Variants in ATXN10 observed in about 807,000 individuals in gnomAD.
The protein encoded by ATXN10 is ataxin 10.
A neutral mutation model predicts 52.9 loss-of-function variants in ATXN10; 28 were observed. The observed-to-expected ratio is 0.53, with a 90% CI of 0.39 to 0.73. ATXN10 has a LOEUF of 0.73. ATXN10 is among the 30% of genes least tolerant of loss of function. The probability of loss-of-function intolerance (pLI) is 0.00; values close to 1 mark genes in which losing one functional copy is unlikely to be tolerated. For synonymous variants in ATXN10, 226 were observed against 221.5 expected (o/e 1.02, Z -0.18); for missense variants, 565 against 577.0 (o/e 0.98, Z 0.21).
chr22:45,829,089 A>G (rs1407990416), intron 10 of ATXN10, among the ~76,000 whole-genome samples: 2 of 152,228 alleles, frequency 1.3e-5, no homozygotes, highest in Non-Finnish European at 2.9e-5. Flanking sequence ...GATCAGTGTA[A>G]TACACCACAT....
chr22:45,689,365 G>T, intron 1 of ATXN10: 2 of 362,306 alleles, frequency 5.5e-6, no homozygotes, highest in Non-Finnish European at 1.1e-5. Context: ...AGGCCAGAGT[G>T]CTTCACTTGG....
At position 45,677,739 on chromosome 22, in the gene ATXN10, A is replaced by G. The variant is rs992113643; in HGVS notation, c.116+5560A>G. 1 of 152,342 alleles carries G rather than the reference A, an allele frequency of 6.6e-6. No individual in the cohort carries two copies. The highest frequency in any genetic ancestry group is 1.9e-4 in the East Asian group (1 of 5,188). The allele number at this position is 152,342 out of a possible 1,614,324, so 9.4% of individuals were successfully genotyped here. On this transcript the variant is annotated intron_variant, in intron 1 of 11. Coordinates refer to ENST00000252934, the MANE Select transcript of ATXN10 (RefSeq NM_013236.4). This position sits in a 1 kb window ranked among gnomAD's most constrained non-coding sequence, Gnocchi z 4.1. ...CTCCAAATCACTAGTTATTAGGGAAATGCAGTTAAAACTTCAGTGAGAGAC... is the reference window on the plus strand; with the variant it reads ...CTCCAAATCACTAGTTATTAGGGAAGTGCAGTTAAAACTTCAGTGAGAGAC...
intron 10 of ATXN10, among the ~76,000 whole-genome samples, chr22:45,838,299 C>T (rs1474552758): frequency 6.6e-6 from 1 of 152,136 alleles, no homozygotes; most frequent in African/African-American, 2.4e-5. Context: ...TGCAGTGCTG[C>T]CTCGGCCATT....
Position 45,730,072 on chromosome 22 carries a change from G to A in ATXN10, c.894+482G>A, listed in dbSNP as rs570426037. Among the ~76,000 whole-genome samples the A allele has an allele frequency of 2.6e-5, 4 of 152,162 alleles. 1 individual carries two copies. Among genetic ancestry groups the A allele is most frequent in the South Asian group, 4.2e-4 (2 of 4,818 alleles). On this transcript the variant is annotated intron_variant, in intron 7 of 11. Transcript: ENST00000252934. ...ATAAATGCCAACATAGGCTGGGCACGGTGCCTCACACCTGTAACCCCACTT... is the reference window on the plus strand; with the variant it reads ...ATAAATGCCAACATAGGCTGGGCACAGTGCCTCACACCTGTAACCCCACTT...
intron 7 of ATXN10, among the ~76,000 whole-genome samples, chr22:45,736,489 C>G (rs560090166): frequency 6.8e-6 from 1 of 146,710 alleles, no homozygotes; most frequent in East Asian, 1.9e-4. Flanking sequence ...GCCACCTTAT[C>G]TGTAACACCT....
At chr22:45,680,301 A>G (rs1393085808) in intron 1 of ATXN10, among the ~76,000 whole-genome samples, 1 of 152,188 alleles carries the variant, frequency 6.6e-6, no homozygotes, top group Non-Finnish European at 1.5e-5. Flanking sequence ...ATCAATGAGA[A>G]TATTATAAAA....
chr22:45,726,161 C>T (rs1186836445), intron 6 of ATXN10, among the ~76,000 whole-genome samples: 1 of 152,124 alleles, frequency 6.6e-6, no homozygotes, highest in Non-Finnish European at 1.5e-5. Flanking sequence ...GTGATACTGG[C>T]TTCATAGAGT....
intron 9 of ATXN10, among the ~76,000 whole-genome samples, chr22:45,801,613 T>A (rs1927934167): frequency 6.6e-6 from 1 of 152,214 alleles, no homozygotes; most frequent in East Asian, 1.9e-4. Context: ...TACACCCAGT[T>A]AATGAGACAG....
rs560982556 is a variant in ATXN10 at position 45,787,021 on chromosome 22, T to C, written c.1174-19938T>C. Among the ~76,000 whole-genome samples, 1 of 152,344 alleles carries C rather than the reference T, an allele frequency of 6.6e-6. No homozygotes were observed. The highest frequency in any genetic ancestry group is 2.4e-5 in the African/African-American group (1 of 41,568). On this transcript the variant is annotated intron_variant, in intron 9 of 11. Coordinates refer to ENST00000252934, the MANE Select transcript of ATXN10 (RefSeq NM_013236.4). This position sits in a 1 kb window ranked among gnomAD's most constrained non-coding sequence, Gnocchi z 4.2. ...TAGTCATGATGCAAATGTCCTGAAA[T>C]GTTCAGTAAATTATGGTAGGTTATA... is the stretch of plus-strand genomic sequence containing the variant.
chr22:45,800,419 G>A (rs1348760590), intron 9 of ATXN10, among the ~76,000 whole-genome samples: 1 of 152,190 alleles, frequency 6.6e-6, no homozygotes, highest in Admixed American at 6.5e-5. Context: ...AGACCACAGT[G>A]TGATGCTGCC....
chr22:45,708,978 C>T lies in ATXN10; in HGVS notation c.647+6131C>T, dbSNP rs1055499975. Among the ~76,000 whole-genome samples the T allele has an allele frequency of 1.3e-5, 2 of 152,178 alleles. No homozygotes were observed. The highest frequency in any genetic ancestry group is 4.8e-5 in the African/African-American group (2 of 41,440). ...CCATTGAACTTTTTACCCAGTTTCA[C>T]TACAAAAATGAAGTTATAACTGGGA... On this transcript the variant is annotated intron_variant, in intron 5 of 11. Transcript: ENST00000252934. The surrounding 1 kb of genome is among the most constrained non-coding windows in gnomAD (Gnocchi z 5.3).
At chr22:45,716,718 TA>T (rs1924461742) in intron 5 of ATXN10, among the ~76,000 whole-genome samples, 1 of 151,988 alleles carries the variant, frequency 6.6e-6, no homozygotes, top group Non-Finnish European at 1.5e-5. Flanking sequence ...AAGAAGAGCA[TA>T]GTAAGTCCTG....
rs141525066 is a variant in ATXN10 at position 45,834,800 on chromosome 22, G to A, written c.1238-8191G>A. 4.1e-3 allele frequency among the ~76,000 whole-genome samples: 622 copies of A among 152,286 alleles called. 4 individuals are homozygous for A. The highest frequency in any genetic ancestry group is 0.014 in the African/African-American group (593 of 41,546). Reference sequence around the variant, plus strand: ...CGTGCACCGTGGCCTGAATGTCTGCGGTGTGCATGGGTGTGCCAGGCACTC... The same window carrying A: ...CGTGCACCGTGGCCTGAATGTCTGCAGTGTGCATGGGTGTGCCAGGCACTC... On this transcript the variant is annotated intron_variant, in intron 10 of 11. Transcript: ENST00000252934.
intron 8 of ATXN10, among the ~76,000 whole-genome samples, chr22:45,740,132 A>G (rs1925452976): frequency 6.6e-6 from 1 of 152,206 alleles, no homozygotes. Context: ...TGGGGTAGTC[A>G]TTATGGCTTA....
chr22:45,808,299 C>T (rs1213105892), intron 10 of ATXN10, among the ~76,000 whole-genome samples: 3 of 152,160 alleles, frequency 2.0e-5, no homozygotes, highest in African/African-American at 7.2e-5. Context: ...TGTTGCATTT[C>T]CCAATGAAAA....
In ATXN10 at chr22:45,789,670, T is replaced by TGTG. The variant is rs769466284; in HGVS notation, c.1174-17273_1174-17271dup. ...AGCCTTCTAACCCATCCAGCCCCTTTGTGGTGGTGGTGGTGGTGCACTGAT... is the reference window on the plus strand; with the variant it reads ...AGCCTTCTAACCCATCCAGCCCCTTTGTGGTGGTGGTGGTGGTGGTGCACTGAT... On this transcript the variant is annotated intron_variant, in intron 9 of 11. Coordinates refer to ENST00000252934, the MANE Select transcript of ATXN10 (RefSeq NM_013236.4). The surrounding 1 kb of genome is among the most constrained non-coding windows in gnomAD (Gnocchi z 4.0). Among the ~76,000 whole-genome samples the TGTG allele has an allele frequency of 5.3e-5, 8 of 152,062 alleles. No individual in the cohort carries two copies. The highest frequency in any genetic ancestry group is 1.0e-4 in the Non-Finnish European group (7 of 68,002).
At chr22:45,822,595 A>G in intron 10 of ATXN10, among the ~76,000 whole-genome samples, 1 of 136,248 alleles carries the variant, frequency 7.3e-6, no homozygotes. Flanking sequence ...CAGTGGCACG[A>G]TCTCGGCTCA....
At position 45,840,973 on chromosome 22, in the gene ATXN10, G is replaced by A. The variant is rs184946335; in HGVS notation, c.1238-2018G>A. Among the ~76,000 whole-genome samples, 45 of 152,238 alleles carry A rather than the reference G, an allele frequency of 3.0e-4. No individual in the cohort carries two copies. The highest frequency in any genetic ancestry group is 1.1e-3 in the African/African-American group (44 of 41,538). ...ACAAAAGGTGAGAAAATGAGTTTGT[G>A]TATCGACAGTGACATCCTGGGTGTG... is the stretch of plus-strand genomic sequence containing the variant. On this transcript the variant is annotated intron_variant, in intron 10 of 11. Coordinates refer to ENST00000252934, the MANE Select transcript of ATXN10 (RefSeq NM_013236.4). The surrounding 1 kb of genome is among the most constrained non-coding windows in gnomAD (Gnocchi z 5.8).
chr22:45,817,719 C>T (rs1247599537), intron 10 of ATXN10, among the ~76,000 whole-genome samples: 3 of 152,110 alleles, frequency 2.0e-5, no homozygotes, highest in Non-Finnish European at 4.4e-5. Flanking sequence ...CAAACAAGTG[C>T]ACACACAGAA....
Sources: allele counts gnomAD v4.1 joint callset (sites outside exome capture counted in the v4.1 genomes callset), GRCh38; gene constraint gnomAD v4.1.1; non-coding constraint Gnocchi (gnomAD v3.1); transcripts MANE v1.5; gene names NCBI Gene and HGNC (gene_info 2026-07-23, HGNC 2026-07-21).